Variants in EIF4E3 observed in about 807,000 individuals in gnomAD.
EIF4E3 encodes eukaryotic translation initiation factor 4E type 3.
In EIF4E3, 26 loss-of-function variants were observed where a neutral mutation model predicts 31.7. The ratio of observed to expected loss-of-function variants is 0.82; its 90% CI spans 0.60 to 1.14. The LOEUF is 1.14. EIF4E3 is among the 50% of genes most tolerant of loss of function. The pLI is 0.00. For missense variants in EIF4E3, 304 were observed against 270.9 expected (o/e 1.12, Z -0.86); for synonymous variants, 128 against 107.7 (o/e 1.19, Z -1.17).
At position 71,684,577 on chromosome 3, in the gene EIF4E3, A is replaced by C; in HGVS notation, c.*105T>G. On this transcript the variant is annotated 3_prime_UTR_variant, in exon 7 of 7. Transcript: ENST00000425534. ...CTGCAAGGACAGAAACCCACTCTAA[A>C]TTGACCAGCATCGGCTTCGGCAAGT... 7.0e-7 allele frequency: 1 copy of C among 1,419,408 alleles called. No homozygotes were observed. Among genetic ancestry groups the C allele is most frequent in the African/African-American group, 1.4e-5 (1 of 70,552 alleles). 87.9% of individuals were successfully genotyped at this position (1,419,408 alleles called of 1,614,324 possible). A position where few individuals can be genotyped will look rare whatever the true frequency, so the allele number is the denominator to read the frequency against.
chr3:71,730,200 G>A (rs895963462), upstream of EIF4E3, among the ~76,000 whole-genome samples: 15 of 152,160 alleles, frequency 9.9e-5, no homozygotes, highest in Non-Finnish European at 2.2e-4. Context: ...CGGGTCAGGG[G>A]AGGCTGCGGT....
chr3:71,730,157 T>G (rs973549761), upstream of EIF4E3, among the ~76,000 whole-genome samples: 2 of 151,936 alleles, frequency 1.3e-5, no homozygotes, highest in Non-Finnish European at 2.9e-5. Flanking sequence ...CTTGGAAAGG[T>G]AGGGGAGACT....
chr3:71,752,788 G>T (rs1019277417), intron 1 of EIF4E3, among the ~76,000 whole-genome samples: 1 of 152,166 alleles, frequency 6.6e-6, no homozygotes, highest in African/African-American at 2.4e-5. Flanking sequence ...AAAACAGACG[G>T]GTTAGAAGGA....
intron 1 of EIF4E3, among the ~76,000 whole-genome samples, chr3:71,747,589 T>C (rs1011989473): frequency 6.6e-6 from 1 of 152,216 alleles, no homozygotes; most frequent in African/African-American, 2.4e-5. Context: ...TTCTTGATGG[T>C]GTCTATTGAA....
the EIF4E3 span, among the ~76,000 whole-genome samples, chr3:71,668,857 A>G: frequency 1.3e-5 from 2 of 152,232 alleles, no homozygotes; most frequent in African/African-American, 4.8e-5. Flanking sequence ...AGGATCTAGA[A>G]CTAGAAATAC....
upstream of EIF4E3, among the ~76,000 whole-genome samples, chr3:71,729,902 C>A (rs1338883175): frequency 2.6e-5 from 4 of 150,992 alleles, no homozygotes. Flanking sequence ...TGTTGCTGGG[C>A]TCCTTCTCTA....
chr3:71,664,769 G>A, the EIF4E3 span, among the ~76,000 whole-genome samples: 1 of 152,146 alleles, frequency 6.6e-6, no homozygotes, highest in African/African-American at 2.4e-5. Flanking sequence ...CAGCTACTCG[G>A]GAGGCTGAGG....
intron 3 of EIF4E3, among the ~76,000 whole-genome samples, chr3:71,697,678 T>C (rs1042607229): frequency 1.3e-5 from 2 of 152,148 alleles, no homozygotes; most frequent in African/African-American, 2.4e-5. Flanking sequence ...TGTCTTTCCA[T>C]GTCTGGTTTA....
intron 2 of EIF4E3, among the ~76,000 whole-genome samples, chr3:71,706,040 A>G (rs989168656): frequency 3.9e-5 from 6 of 152,242 alleles, no homozygotes; most frequent in African/African-American, 1.4e-4. Context: ...AGCATCTGGA[A>G]AATACGCCTA....
chr3:71,671,397 A>G (rs972118778), downstream of EIF4E3, among the ~76,000 whole-genome samples: 4 of 151,908 alleles, frequency 2.6e-5, no homozygotes, highest in African/African-American at 9.7e-5. Context: ...AGAGTGGGAG[A>G]GACAGCATGG....
the EIF4E3 span, among the ~76,000 whole-genome samples, chr3:71,665,080 G>C: frequency 5.3e-5 from 8 of 152,154 alleles, no homozygotes; most frequent in Admixed American, 3.3e-4. Flanking sequence ...CAATGAGGCA[G>C]CCCTGATGCA....
At position 71,683,028 on chromosome 3, in the gene EIF4E3, T is replaced by C. The variant is rs2048942307; in HGVS notation, c.*1654A>G. On this transcript the variant is annotated 3_prime_UTR_variant, in exon 7 of 7. Coordinates refer to ENST00000425534, the MANE Select transcript of EIF4E3 (RefSeq NM_001134651.2). ...TGTTTGGAGAAACAAGTCCTAGGCT[T>C]TTGCTAACTGGATCTGATATTCTTA... 1 of 152,112 alleles carries C rather than the reference T, an allele frequency of 6.6e-6. No individual in the cohort carries two copies. The highest frequency in any genetic ancestry group is 2.4e-5 in the African/African-American group (1 of 41,404). The allele number at this position is 152,112 out of a possible 1,614,324, so 9.4% of individuals were successfully genotyped here.
chr3:71,712,644 G>GGGGGGGGGGC (rs35405190), intron 1 of EIF4E3, among the ~76,000 whole-genome samples: 9 of 123,984 alleles, frequency 7.3e-5, no homozygotes, highest in South Asian at 3.0e-4. Context: ...GTGGGCGGGG[G>GGGGGGGGGGC]AGATTCTAGG....
intron 2 of EIF4E3, among the ~76,000 whole-genome samples, chr3:71,706,919 C>G (rs1305979291): frequency 6.6e-6 from 1 of 152,174 alleles, no homozygotes; most frequent in Non-Finnish European, 1.5e-5. Flanking sequence ...GTATCCTGGC[C>G]AGTTCTTAAA....
In EIF4E3 at chr3:71,684,709, A is replaced by G; in HGVS notation, c.648T>C (p.Ala216=). The G allele has an allele frequency of 1.2e-6, 2 of 1,614,136 alleles. No homozygotes were observed. The highest frequency in any genetic ancestry group is 1.7e-6 in the Non-Finnish European group (2 of 1,180,006). Residue 216 remains alanine, a synonymous_variant, in exon 7 of 7, where the codon GCT becomes GCC. Transcript: ENST00000425534. ...VFYKPHEEHH[A]FEGGRGKH ...AGTGTTTTCCACGTCCACCTTCAAAAGCATGATGCTCTTCATGGGCTAAAG... is the reference window on the plus strand; with the variant it reads ...AGTGTTTTCCACGTCCACCTTCAAAGGCATGATGCTCTTCATGGGCTAAAG...
downstream of EIF4E3, among the ~76,000 whole-genome samples, chr3:71,672,901 T>G (rs2048854497): frequency 6.6e-6 from 1 of 152,146 alleles, no homozygotes; most frequent in South Asian, 2.1e-4. Flanking sequence ...ACAAAGCAAG[T>G]AAGACCCAGA....
At chr3:71,754,518 C>A (rs1382728288), upstream of EIF4E3, 1 of 1,301,294 alleles carries the variant, frequency 7.7e-7, no homozygotes, top group Non-Finnish European at 9.7e-7. The surrounding 1 kb of genome is among the most constrained non-coding windows in gnomAD (Gnocchi z 5.8). Flanking sequence ...CGCGGCCTTC[C>A]CGCCAGTGCT....
At chr3:71,659,883 G>A in the EIF4E3 span, among the ~76,000 whole-genome samples, 1 of 152,180 alleles carries the variant, frequency 6.6e-6, no homozygotes, top group African/African-American at 2.4e-5. Context: ...GGAAGAGGCA[G>A]GTACATTACT....
chr3:71,741,350 A>C (rs2049819273), intron 1 of EIF4E3, among the ~76,000 whole-genome samples: 1 of 152,208 alleles, frequency 6.6e-6, no homozygotes, highest in South Asian at 2.1e-4. Flanking sequence ...AATTCTAATC[A>C]AAAGAAAGCT....
Sources: allele counts gnomAD v4.1 joint callset (sites outside exome capture counted in the v4.1 genomes callset), GRCh38; gene constraint gnomAD v4.1.1; non-coding constraint Gnocchi (gnomAD v3.1); transcripts MANE v1.5; gene names NCBI Gene and HGNC (gene_info 2026-07-23, HGNC 2026-07-21).